INTS9: variants seen among roughly 807,000 people sequenced by gnomAD.
INTS9 encodes integrator complex subunit 9.
A neutral mutation model predicts 79.7 loss-of-function variants in INTS9; 55 were observed. That is an observed-to-expected ratio of 0.69 (90% CI 0.56 to 0.86). INTS9 has a LOEUF of 0.86. Among genes scored for constraint, INTS9 ranks in the 40% least tolerant of loss-of-function variants. The pLI is 0.00. For synonymous variants in INTS9, 319 were observed against 325.2 expected (o/e 0.98, Z 0.20); for missense variants, 721 against 831.5 (o/e 0.87, Z 1.64).
In INTS9 at chr8:28,776,014, C is replaced by T. The variant is rs541917974; in HGVS notation, c.1396-88G>A. Reference sequence around the variant, plus strand: ...CCATTCCTGACCCCGATCCACTCCCCGCCATTACAGGCTCACCACTTCCAG... The same window carrying T: ...CCATTCCTGACCCCGATCCACTCCCTGCCATTACAGGCTCACCACTTCCAG... On this transcript the variant is annotated intron_variant, in intron 13 of 16. Coordinates refer to ENST00000521022, the MANE Select transcript of INTS9 (RefSeq NM_018250.4). 5.4e-4 allele frequency: 576 copies of T among 1,062,920 alleles called. 14 individuals carry two copies. In the South Asian group the frequency reaches 8.7e-3, roughly 16 times the overall value. The allele number at this position is 1,062,920 out of a possible 1,614,324, so 65.8% of individuals were successfully genotyped here. A position where few individuals can be genotyped will look rare whatever the true frequency, so the allele number is the denominator to read the frequency against.
At chr8:28,880,885 G>C (rs576830857) in intron 1 of INTS9, among the ~76,000 whole-genome samples, 20 of 146,296 alleles carry the variant, frequency 1.4e-4, no homozygotes, top group African/African-American at 4.6e-4. Flanking sequence ...CGTCTGAGAT[G>C]TGGGGAGCAC....
intron 11 of INTS9, among the ~76,000 whole-genome samples, chr8:28,782,885 CAAAA>C (rs1245679997): frequency 6.6e-6 from 1 of 152,112 alleles, no homozygotes; most frequent in Non-Finnish European, 1.5e-5. Context: ...CATACACACA[CAAAA>C]AAACCCCCAG....
chr8:28,800,151 G>A (rs1336559099), intron 8 of INTS9, among the ~76,000 whole-genome samples: 1 of 152,190 alleles, frequency 6.6e-6, no homozygotes, highest in Non-Finnish European at 1.5e-5. Flanking sequence ...TTGTTTCCCT[G>A]TTGCCTAGCA....
At chr8:28,859,354 G>C in intron 2 of INTS9, 82 bp downstream of exon 2, 1 of 1,444,552 alleles carries the variant, frequency 6.9e-7, no homozygotes, top group Non-Finnish European at 9.5e-7. Context: ...CAATATACTA[G>C]GTACTAGTAA....
intron 3 of INTS9, among the ~76,000 whole-genome samples, chr8:28,849,812 C>T (rs1028270891): frequency 3.9e-5 from 6 of 152,130 alleles, no homozygotes; most frequent in Admixed American, 2.0e-4. Context: ...TAAAACTCAC[C>T]TGCTTGAGGA....
intron 1 of INTS9, among the ~76,000 whole-genome samples, chr8:28,863,818 T>C (rs550039342): frequency 1.3e-5 from 2 of 152,144 alleles, no homozygotes; most frequent in South Asian, 4.2e-4. Context: ...CAAAAAGCAA[T>C]GTACAACTAC....
chr8:28,819,688 G>A (rs12550136), intron 6 of INTS9, among the ~76,000 whole-genome samples: 59,677 of 151,844 alleles, frequency 0.39, 12,908 homozygotes, highest in Non-Finnish European at 0.49. Flanking sequence ...GCAGAGCTGA[G>A]TTCAATTCCT....
chr8:28,837,576 T>C, intron 5 of INTS9, 61 bp downstream of exon 5: 2 of 1,562,808 alleles, frequency 1.3e-6, no homozygotes, highest in South Asian at 1.2e-5. Context: ...TGTGATAGCG[T>C]CATCACTGAG....
intron 1 of INTS9, among the ~76,000 whole-genome samples, chr8:28,866,023 G>A (rs140123584): frequency 4.0e-5 from 6 of 151,654 alleles, no homozygotes; most frequent in Non-Finnish European, 8.8e-5. Flanking sequence ...TCTTTCTTTA[G>A]TGGTGTCAAA....
At chr8:28,864,014 T>C (rs1275849818) in intron 1 of INTS9, among the ~76,000 whole-genome samples, 1 of 152,152 alleles carries the variant, frequency 6.6e-6, no homozygotes, top group Admixed American at 6.5e-5. Flanking sequence ...TTATACTTAG[T>C]GTATATATTT....
At chr8:28,839,042 G>A (rs151195843) in intron 4 of INTS9, among the ~76,000 whole-genome samples, 3 of 152,132 alleles carry the variant, frequency 2.0e-5, no homozygotes, top group African/African-American at 7.2e-5. Flanking sequence ...CTCCACCGTG[G>A]AGGAGCTAAC....
At chr8:28,828,768 G>A (rs1369272030) in intron 6 of INTS9, among the ~76,000 whole-genome samples, 3 of 151,616 alleles carry the variant, frequency 2.0e-5, no homozygotes, top group East Asian at 1.9e-4. Flanking sequence ...GCACGATCTC[G>A]GCTCACCGCA....
chr8:28,880,908 G>A (rs1006035797), intron 1 of INTS9, among the ~76,000 whole-genome samples: 15 of 143,498 alleles, frequency 1.0e-4, no homozygotes, highest in Admixed American at 6.2e-4. Context: ...CTGCCCCACC[G>A]CCCTGTCTGG....
chr8:28,841,049 A>G (rs1032365649), intron 4 of INTS9, among the ~76,000 whole-genome samples: 4 of 152,142 alleles, frequency 2.6e-5, no homozygotes, highest in African/African-American at 9.7e-5. Flanking sequence ...CAGCTGAGTA[A>G]CTTTACAAAT....
Position 28,812,442 on chromosome 8 carries a change from T to C in INTS9, c.629A>G (p.Gln210Arg), listed in dbSNP as rs1184122893. The change falls in exon 8 of 17, where the codon CAG (glutamine) becomes CGG (arginine). Residue 210 changes from glutamine (Q) to arginine (R), a missense_variant. Physicochemically the swap from Gln to Arg is conservative, Grantham distance 43 (BLOSUM62 1). Transcript: ENST00000521022. ...SQKIELFGAVQVTPLSSGYAL... is the reference protein window; with the variant it reads ...SQKIELFGAVRVTPLSSGYAL... Reference sequence around the variant, plus strand: ...ATAGCCAGAGCTCAGAGGAGTCACCTGGACCGCACCAAAAAGCTCCTAAAA... The same window carrying C: ...ATAGCCAGAGCTCAGAGGAGTCACCCGGACCGCACCAAAAAGCTCCTAAAA... 1.5e-5 allele frequency: 25 copies of C among 1,613,772 alleles called. No individual in the cohort carries two copies. The highest frequency in any genetic ancestry group is 1.3e-5 in the African/African-American group (1 of 74,908).
intron 1 of INTS9, among the ~76,000 whole-genome samples, chr8:28,860,250 C>T (rs891902819): frequency 2.0e-5 from 3 of 152,160 alleles, no homozygotes; most frequent in Non-Finnish European, 2.9e-5. Flanking sequence ...CACACTGACC[C>T]GAAACATTTC....
chr8:28,821,386 T>C (rs1373214257), intron 6 of INTS9, among the ~76,000 whole-genome samples: 1 of 152,192 alleles, frequency 6.6e-6, no homozygotes. Flanking sequence ...GTGAGACTTA[T>C]TCACTATCAT....
rs745481475 is a variant in INTS9 at position 28,859,483 on chromosome 8, C to G, written c.90G>C (p.Leu30=). Residue 30 remains leucine (L), a synonymous_variant, in exon 2 of 17, where the codon CTG becomes CTC. Coordinates refer to ENST00000521022, the MANE Select transcript of INTS9 (RefSeq NM_018250.4). ...KSTTIMLDCG[L]DMTSTLNFLP... ...GGAAATTGAGGGTAGAAGTCATGTC[C>G]AGTCCGCAGTCCAACATAATGGTGG... The G allele has an allele frequency of 6.2e-7, 1 of 1,614,126 alleles. No homozygotes were observed. Among genetic ancestry groups the G allele is most frequent in the Admixed American group, 1.7e-5 (1 of 60,022 alleles).
intron 12 of INTS9, 52 bp from the exon 13 acceptor site, chr8:28,778,005 C>G (rs755200544): frequency 1.3e-6 from 2 of 1,519,138 alleles, no homozygotes; most frequent in Admixed American, 4.3e-5. Context: ...ACAGGAGCTG[C>G]CAAGCCAGAC....
Sources: allele counts gnomAD v4.1 joint callset (sites outside exome capture counted in the v4.1 genomes callset), GRCh38; gene constraint gnomAD v4.1.1; transcripts MANE v1.5; gene names NCBI Gene and HGNC (gene_info 2026-07-23, HGNC 2026-07-21).